GGA3: variants seen among roughly 807,000 people sequenced by gnomAD.
The protein encoded by GGA3 is ADP-ribosylation factor-binding protein GGA3.
In GGA3, 57 loss-of-function variants were observed where a neutral mutation model predicts 77.5. The ratio of observed to expected loss-of-function variants is 0.74; its 90% CI spans 0.59 to 0.92. GGA3 has a LOEUF of 0.92. Among genes scored for constraint, GGA3 ranks in the 40% least tolerant of loss-of-function variants. The pLI, the probability that GGA3 is intolerant of heterozygous loss-of-function variation, is 0.00. For missense variants in GGA3, 970 were observed against 914.9 expected, an observed-to-expected ratio of 1.06 and a Z score of -0.78; for synonymous variants, 416 against 383.7, an observed-to-expected ratio of 1.08 and a Z score of -0.98.
At chr17:75,258,031 TC>T (rs1487850422) in intron 1 of GGA3, among the ~76,000 whole-genome samples, 1 of 152,154 alleles carries the variant, frequency 6.6e-6, no homozygotes, top group Non-Finnish European at 1.5e-5. Context: ...CTTTGTAATC[TC>T]CCCCACCCTT....
At position 75,260,721 on chromosome 17, in the gene GGA3, A is replaced by G. The variant is rs114142904; in HGVS notation, c.40+827T>C. 1.9e-3 allele frequency among the ~76,000 whole-genome samples: 283 copies of G among 152,306 alleles called. 3 individuals are homozygous for G. Among genetic ancestry groups the G allele is most frequent in the African/African-American group, 6.3e-3 (260 of 41,562 alleles). On this transcript the variant is annotated intron_variant, in intron 1 of 16. Transcript: ENST00000537686. The stretch of plus-strand genomic sequence containing the variant: ...GAGGCTTCCAGGTCTAGCCTACAGG[A>G]AAGTTCACTTATTAACCCTCAGGCA...
chr17:75,261,496 C>T, intron 1 of GGA3, 52 bp downstream of exon 1: 1 of 1,424,172 alleles, frequency 7.0e-7, no homozygotes, highest in South Asian at 1.5e-5. Context: ...GGGGTGAAGA[C>T]AGGGGCAGCC....
At chr17:75,242,225 G>T in intron 8 of GGA3, 111 bp downstream of exon 8, 2 of 1,141,132 alleles carry the variant, frequency 1.8e-6, no homozygotes, top group Non-Finnish European at 1.3e-6. Context: ...TGAATACACT[G>T]CCAAGTGCAC....
chr17:75,240,404 C>G lies in GGA3; in HGVS notation c.1201G>C (p.Asp401His), dbSNP rs1049584155. ...DEELLCLGLA[D>H]PAPNVPPKES... ...TTGGGAGGAACATTAGGGGCTGGGT[C>G]GGCGAGGCCTGACAATAGAGAAGAA... The change falls in exon 12 of 17, where the codon GAC (aspartate) becomes CAC (histidine). Residue 401 changes from aspartate to histidine, a missense_variant. Coordinates refer to ENST00000537686, the MANE Select transcript of GGA3 (RefSeq NM_138619.4). The G allele has an allele frequency of 3.8e-6, 6 of 1,594,458 alleles. 1 individual carries two copies. In the East Asian group the frequency reaches 1.1e-4, roughly 30 times the overall value.
At chr17:75,257,621 C>T (rs1270380132) in intron 1 of GGA3, among the ~76,000 whole-genome samples, 1 of 152,126 alleles carries the variant, frequency 6.6e-6, no homozygotes, top group Non-Finnish European at 1.5e-5. Context: ...AAACCATATC[C>T]AGGCCATCAC....
Position 75,257,185 on chromosome 17 carries a change from T to C in GGA3, c.40+4363A>G, listed in dbSNP as rs28776613. Among the ~76,000 whole-genome samples the C allele has an allele frequency of 5.2e-3, 796 of 152,078 alleles. 7 individuals are homozygous for C. The highest frequency in any genetic ancestry group is 0.018 in the African/African-American group (750 of 41,446). On this transcript the variant is annotated intron_variant, in intron 1 of 16. Transcript: ENST00000537686. ...TCAGAAGTCAGACCTGTCCTCAGAA[T>C]GCTACAAGGTACAGCCCATTTAAGC...
chr17:75,250,389 T>G (rs1228134242), intron 1 of GGA3, among the ~76,000 whole-genome samples: 1 of 152,222 alleles, frequency 6.6e-6, no homozygotes, highest in Non-Finnish European at 1.5e-5. Flanking sequence ...CTCGTGGGAC[T>G]TAAAACGTCA....
intron 9 of GGA3, 21 bp downstream of exon 9, chr17:75,241,594 G>C (rs2145497319): frequency 1.9e-6 from 3 of 1,611,412 alleles, no homozygotes; most frequent in Non-Finnish European, 2.5e-6. Flanking sequence ...GCTTATCCCT[G>C]ACCGTCGCTC....
intron 1 of GGA3, among the ~76,000 whole-genome samples, chr17:75,248,106 C>T (rs1319818435): frequency 1.3e-5 from 2 of 152,174 alleles, no homozygotes; most frequent in South Asian, 2.1e-4. Flanking sequence ...GAGCCCCTCC[C>T]GACAAGGCCC....
At chr17:75,243,611 C>T (rs751586819) in intron 4 of GGA3, 41 bp from the exon 5 acceptor site, 24 of 1,603,410 alleles carry the variant, frequency 1.5e-5, no homozygotes, top group Admixed American at 3.4e-5. Context: ...AAGTGCAGTT[C>T]GGAGGCAGAG....
chr17:75,238,816 C>T (rs2076414339), intron 15 of GGA3, 54 bp from the exon 16 acceptor site: 3 of 1,568,146 alleles, frequency 1.9e-6, no homozygotes, highest in African/African-American at 1.4e-5. Context: ...CCAGATGGAA[C>T]CTGCAGTGCA....
At chr17:75,261,909 C>T (rs1451846712), upstream of GGA3, 10 of 1,608,666 alleles carry the variant, frequency 6.2e-6, no homozygotes, top group Non-Finnish European at 8.5e-6. Context: ...AGATGGCTGC[C>T]CCCGCAGTGA....
At chr17:75,260,602 C>G (rs999599641) in intron 1 of GGA3, among the ~76,000 whole-genome samples, 5 of 152,148 alleles carry the variant, frequency 3.3e-5, no homozygotes, top group African/African-American at 1.2e-4. Flanking sequence ...CTCCAAGATC[C>G]CGGAAGCAGT....
rs2076374573 is a variant in GGA3, at chr17:75,237,864, G to A, written c.*415C>T. On this transcript the variant is annotated 3_prime_UTR_variant, in exon 17 of 17. Transcript: ENST00000537686. ...CCCTTGGGCCGTGCATCTGTCAGGT[G>A]TGAGGATGTGGCTCTTGTGGGGAAT... 6 of 1,401,110 alleles carry A rather than the reference G, an allele frequency of 4.3e-6. No individual in the cohort carries two copies. Among genetic ancestry groups the A allele is most frequent in the Non-Finnish European group, 5.5e-6 (6 of 1,083,088 alleles). The allele number at this position is 1,401,110 out of a possible 1,614,324, so 86.8% of individuals were successfully genotyped here.
chr17:75,239,402 G>A lies in GGA3; in HGVS notation c.1753C>T (p.His585Tyr), dbSNP rs746360559. 1.1e-5 allele frequency: 17 copies of A among 1,561,370 alleles called. No homozygotes were observed. The highest frequency in any genetic ancestry group is 1.7e-4 in the Middle Eastern group (1 of 5,842). ...GGCTTGATCGATTCCAGGGGCACGT[G>A]GATGCTGGCCAGGGAGAGCTCAGGC... ...KGPELSLASI[H>Y]VPLESIKPSS... Residue 585 changes from histidine to tyrosine, a missense_variant, in exon 14 of 17, where the codon CAC (histidine) becomes TAC (tyrosine). By Grantham distance (83) the His-to-Tyr change is moderately conservative. Coordinates refer to ENST00000537686, the MANE Select transcript of GGA3 (RefSeq NM_138619.4).
At position 75,241,392 on chromosome 17, in the gene GGA3, C is replaced by T. The variant is rs748279819; in HGVS notation, c.946+8G>A. On this transcript the variant is annotated splice_region_variant and intron_variant, in intron 10 of 16. Transcript: ENST00000537686. ...AGGAGCCTAGAGTTGGGGACCAGAGCATCTCACCTTCCGAGTCAGGCAGGG... is the reference window on the plus strand; with the variant it reads ...AGGAGCCTAGAGTTGGGGACCAGAGTATCTCACCTTCCGAGTCAGGCAGGG... 6.5e-7 allele frequency: 1 copy of T among 1,547,902 alleles called. No homozygotes were observed. Among genetic ancestry groups the T allele is most frequent in the Non-Finnish European group, 8.9e-7 (1 of 1,120,494 alleles).
chr17:75,238,004 C>T lies in GGA3; in HGVS notation c.*275G>A, dbSNP rs2076380999. ...TACGCCAAGCCTGGGGGTCCATGTT[C>T]CCGGGACAGCAGTGAAGTCAGGGGC... On this transcript the variant is annotated 3_prime_UTR_variant, in exon 17 of 17. Coordinates refer to ENST00000537686, the MANE Select transcript of GGA3 (RefSeq NM_138619.4). 8.1e-7 allele frequency: 1 copy of T among 1,241,958 alleles called. No individual in the cohort carries two copies. The highest frequency in any genetic ancestry group is 1.0e-6 in the Non-Finnish European group (1 of 991,176). The allele number at this position is 1,241,958 out of a possible 1,614,324, so 76.9% of individuals were successfully genotyped here.
rs1167753912 is a variant in GGA3, at chr17:75,243,877, C to T, written c.301-307G>A. 7.9e-5 allele frequency among the ~76,000 whole-genome samples: 12 copies of T among 152,208 alleles called. No homozygotes were observed. In the East Asian group the frequency reaches 1.9e-3, roughly 24 times the overall value. On this transcript the variant is annotated intron_variant, in intron 4 of 16. Transcript: ENST00000537686. ...ACAGCAGCCACGTCAGTAGGGGTGG[C>T]GTCCCCATTTGCCGCCTGGGATCAT...
chr17:75,237,917 T>TCCCCCCCCCCCCC lies in GGA3; in HGVS notation c.*361_*362insGGGGGGGGGGGGG, dbSNP rs2076376803. 1 of 761,550 alleles carries TCCCCCCCCCCCCC rather than the reference T, an allele frequency of 1.3e-6. No individual in the cohort carries two copies. The highest frequency in any genetic ancestry group is 2.8e-5 in the African/African-American group (1 of 36,014). The allele number at this position is 761,550 out of a possible 1,614,324, so 47.2% of individuals were successfully genotyped here. A position where few individuals can be genotyped will look rare whatever the true frequency, so the allele number is the denominator to read the frequency against. On this transcript the variant is annotated 3_prime_UTR_variant, in exon 17 of 17. Transcript: ENST00000537686. ...CCCATGACAGTCTCTCTTTAGAGAC[T>TCCCCCCCCCCCCC]CCCACCCCCCACCCCCCACCCCAGT...
Sources: allele counts gnomAD v4.1 joint callset (sites outside exome capture counted in the v4.1 genomes callset), GRCh38; gene constraint gnomAD v4.1.1; transcripts MANE v1.5; gene names NCBI Gene and HGNC (gene_info 2026-07-23, HGNC 2026-07-21).